Variants in MTMR12 observed in about 807,000 individuals in gnomAD.
The protein encoded by MTMR12 is myotubularin related protein 12.
A neutral mutation model predicts 96.7 loss-of-function variants in MTMR12; 33 were observed. The ratio of observed to expected loss-of-function variants is 0.34; its 90% CI spans 0.26 to 0.46. The LOEUF is 0.46. MTMR12 is among the 20% of genes least tolerant of loss of function. The pLI is 1.00. For synonymous variants in MTMR12, 298 were observed against 327.2 expected (o/e 0.91, Z 0.96); for missense variants, 721 against 896.1 (o/e 0.80, Z 2.49).
intron 14 of MTMR12, 66 bp downstream of exon 14, chr5:32,234,896 T>G: frequency 6.9e-7 from 1 of 1,440,050 alleles, no homozygotes; most frequent in Non-Finnish European, 9.5e-7. Flanking sequence ...GTAGCATCAG[T>G]ATTACTGCAT....
At chr5:32,273,409 CAG>C (rs1214533530) in intron 3 of MTMR12, among the ~76,000 whole-genome samples, 1 of 152,158 alleles carries the variant, frequency 6.6e-6, no homozygotes. Context: ...AAAACAAAAA[CAG>C]AGTGAACCCA....
chr5:32,259,482 A>G (rs1749273615), intron 7 of MTMR12, among the ~76,000 whole-genome samples: 1 of 152,170 alleles, frequency 6.6e-6, no homozygotes, highest in Admixed American at 6.5e-5. Context: ...CTAAATACAA[A>G]TGGGGCTTTT....
At position 32,233,795 on chromosome 5, in the gene MTMR12, TG is replaced by T; in HGVS notation, c.1651del (p.Gln551AsnfsTer36). 1 of 1,614,240 alleles carries T rather than the reference TG, an allele frequency of 6.2e-7. No homozygotes were observed. The highest frequency in any genetic ancestry group is 8.5e-7 in the Non-Finnish European group (1 of 1,180,046). On this transcript the variant is annotated frameshift_variant, in exon 15 of 16. Transcript: ENST00000382142. LOFTEE classifies it high-confidence loss of function. The surrounding 1 kb of genome is among the most constrained non-coding windows in gnomAD (Gnocchi z 5.0). ...YVEKPKLDKG[Q>X]RKGMRFKHQR... ...TACTTTGAAGCGCATTCCTTTCCGT[TG>T]GCCTTTGTCCAGTTTTGGCTTTTCC... is the stretch of plus-strand genomic sequence containing the variant.
At chr5:32,239,952 A>G (rs1283882236) in intron 12 of MTMR12, among the ~76,000 whole-genome samples, 1 of 152,236 alleles carries the variant, frequency 6.6e-6, no homozygotes, top group Non-Finnish European at 1.5e-5. Flanking sequence ...ACATATCTTT[A>G]TCCGTGCATT....
intron 14 of MTMR12, 122 bp from the exon 15 acceptor site, chr5:32,234,056 G>C: frequency 8.6e-7 from 1 of 1,168,796 alleles, no homozygotes; most frequent in South Asian, 1.5e-5. Context: ...AATAATCATG[G>C]GCATTTAAGG....
intron 2 of MTMR12, among the ~76,000 whole-genome samples, chr5:32,275,485 C>G (rs1750014881): frequency 6.6e-6 from 1 of 152,150 alleles, no homozygotes; most frequent in Non-Finnish European, 1.5e-5. Context: ...TACTAGCGAC[C>G]AGAAATTAGC....
At position 32,284,484 on chromosome 5, in the gene MTMR12, G is replaced by A. The variant is rs79711552; in HGVS notation, c.82-7742C>T. The stretch of plus-strand genomic sequence containing the variant: ...ATTACTTGTGAAGCCTTTTCAGAGA[G>A]AGCAGTAGATAGGCCCAGCACATCC... On this transcript the variant is annotated intron_variant, in intron 1 of 15. Coordinates refer to ENST00000382142, the MANE Select transcript of MTMR12 (RefSeq NM_001040446.3). Among the ~76,000 whole-genome samples, 1,251 of 152,270 alleles carry A rather than the reference G, an allele frequency of 8.2e-3. 10 individuals carry two copies. Among genetic ancestry groups the A allele is most frequent in the Non-Finnish European group, 0.01 (702 of 68,022 alleles).
At chr5:32,275,006 A>C (rs903217565) in intron 2 of MTMR12, among the ~76,000 whole-genome samples, 19 of 152,074 alleles carry the variant, frequency 1.2e-4, no homozygotes, top group Non-Finnish European at 2.6e-4. Context: ...AACAAAAAAA[A>C]CCCAAAGGAT....
rs765924627 is a variant in MTMR12 at position 32,263,267 on chromosome 5, A to AAT, written c.584-27_584-26dup. ...ACTAAGAGAACAAAATGTAAAAGAC[A>AAT]ATAAAATCTTTCCATGAAGCACTGG... On this transcript the variant is annotated intron_variant, in intron 6 of 15. Transcript: ENST00000382142. 21 of 1,612,186 alleles carry AAT rather than the reference A, an allele frequency of 1.3e-5. No individual in the cohort carries two copies. The Middle Eastern group carries it at 4.9e-4, about 38-fold the overall frequency.
intron 1 of MTMR12, among the ~76,000 whole-genome samples, chr5:32,290,031 A>T (rs1750682792): frequency 6.6e-6 from 1 of 151,968 alleles, no homozygotes; most frequent in African/African-American, 2.4e-5. Flanking sequence ...CCAAGAGGTG[A>T]CTCCAGTTGC....
intron 3 of MTMR12, 84 bp from the exon 4 acceptor site, chr5:32,271,989 T>C: frequency 1.2e-6 from 1 of 842,664 alleles, no homozygotes; most frequent in Non-Finnish European, 1.8e-6. Flanking sequence ...ATTCTCTACT[T>C]GGATATTAAG....
At position 32,312,896 on chromosome 5, in the gene MTMR12, C is replaced by G; in HGVS notation, c.-58G>C. 2 of 1,462,978 alleles carry G rather than the reference C, an allele frequency of 1.4e-6. No individual in the cohort carries two copies. The highest frequency in any genetic ancestry group is 2.5e-5 in the South Asian group (2 of 79,018). The allele number at this position is 1,462,978 out of a possible 1,614,324, so 90.6% of individuals were successfully genotyped here. A position where few individuals can be genotyped will look rare whatever the true frequency, so the allele number is the denominator to read the frequency against. On this transcript the variant is annotated 5_prime_UTR_variant, in exon 1 of 16. Transcript: ENST00000382142. This position sits in a 1 kb window ranked among gnomAD's most constrained non-coding sequence, Gnocchi z 5.0. ...GCAGAGGCGGCGGCTCGGGCTCCAG[C>G]TGGGGCAGCAGCGGCGGCCACCAGC...
chr5:32,250,878 G>C (rs192819651), intron 8 of MTMR12, among the ~76,000 whole-genome samples: 1 of 152,098 alleles, frequency 6.6e-6, no homozygotes, highest in Non-Finnish European at 1.5e-5. Context: ...GGTCAAAGAG[G>C]CTTCTCACAG....
chr5:32,291,625 C>T (rs1345904831), intron 1 of MTMR12, among the ~76,000 whole-genome samples: 3 of 152,204 alleles, frequency 2.0e-5, no homozygotes, highest in Non-Finnish European at 4.4e-5. Context: ...CACTCAGACT[C>T]TTCCCCCAGC....
At chr5:32,275,243 T>G (rs1216108359) in intron 2 of MTMR12, among the ~76,000 whole-genome samples, 1 of 152,144 alleles carries the variant, frequency 6.6e-6, no homozygotes, top group Non-Finnish European at 1.5e-5. Context: ...TACCGGAAGA[T>G]GGCTCAGTCA....
In MTMR12 at chr5:32,312,641, G is replaced by T. The variant is rs1246219314; in HGVS notation, c.81+117C>A. On this transcript the variant is annotated intron_variant, in intron 1 of 15. Coordinates refer to ENST00000382142, the MANE Select transcript of MTMR12 (RefSeq NM_001040446.3). This position sits in a 1 kb window ranked among gnomAD's most constrained non-coding sequence, Gnocchi z 5.0. ...CCTCAGCCCGCCTGGCTGCCCCGTCGCCCGGCACAAGGGCAGGAAGCGCTC... is the reference window on the plus strand; with the variant it reads ...CCTCAGCCCGCCTGGCTGCCCCGTCTCCCGGCACAAGGGCAGGAAGCGCTC... The T allele has an allele frequency of 4.1e-6, 4 of 971,524 alleles. No individual in the cohort carries two copies. The highest frequency in any genetic ancestry group is 5.3e-6 in the Non-Finnish European group (4 of 760,100). 60.2% of individuals were successfully genotyped at this position (971,524 alleles called of 1,614,324 possible). A position where few individuals can be genotyped will look rare whatever the true frequency, so the allele number is the denominator to read the frequency against.
At chr5:32,272,947 TG>T (rs1158017580) in intron 3 of MTMR12, among the ~76,000 whole-genome samples, 1 of 152,138 alleles carries the variant, frequency 6.6e-6, no homozygotes, top group Non-Finnish European at 1.5e-5. Context: ...AAGGGTGATC[TG>T]GGACAGTTGG....
chr5:32,234,795 T>C, intron 14 of MTMR12, 167 bp downstream of exon 14: 1 of 568,920 alleles, frequency 1.8e-6, no homozygotes, highest in East Asian at 2.9e-5. Context: ...TGAGTTTGCA[T>C]GTCATCCTCT....
intron 1 of MTMR12, among the ~76,000 whole-genome samples, chr5:32,311,778 C>G (rs911319627): frequency 2.6e-5 from 4 of 152,218 alleles, no homozygotes; most frequent in Non-Finnish European, 5.9e-5. Context: ...ACCCTTCAGA[C>G]ACACTCCCAC....
Sources: gnomAD v4.1 joint callset for allele counts (sites outside exome capture counted in the v4.1 genomes callset) on GRCh38, gnomAD v4.1.1 for gene constraint, Gnocchi (gnomAD v3.1) non-coding constraint, MANE v1.5 for transcripts, NCBI Gene and HGNC (gene_info 2026-07-23, HGNC 2026-07-21) for gene names.